The following ANO4 variants were observed in gnomAD, a reference collection of about 807,000 sequenced individuals.
The protein encoded by ANO4 is anoctamin 4.
A neutral mutation model predicts 141.9 loss-of-function variants in ANO4; 69 were observed. That is an observed-to-expected ratio of 0.49 (90% CI 0.40 to 0.59). ANO4 has a LOEUF of 0.59. Among genes scored for constraint, ANO4 ranks in the 20% least tolerant of loss-of-function variants. The probability of loss-of-function intolerance (pLI) is 0.00; values close to 1 mark genes in which losing one functional copy is unlikely to be tolerated. For missense variants in ANO4, 894 were observed against 1,162.2 expected (o/e 0.77, Z 3.36); for synonymous variants, 350 against 394.3 (o/e 0.89, Z 1.33).
At chr12:100,868,953 C>A (rs2038897697) in intron 1 of ANO4, among the ~76,000 whole-genome samples, 1 of 152,224 alleles carries the variant, frequency 6.6e-6, no homozygotes, top group African/African-American at 2.4e-5. Context: ...AAACAGACAG[C>A]AGGCCAGATG....
chr12:100,880,386 T>C lies in ANO4; in HGVS notation c.-140-21260T>C, dbSNP rs1490954215. ...TCTTCTTAATAACTTATAAGGTAGA[T>C]ATTGTCTTTATCCTCATTTGACAGA... On this transcript the variant is annotated intron_variant, in intron 1 of 27. Coordinates refer to ENST00000392977, the MANE Select transcript of ANO4 (RefSeq NM_001286615.2). 2.0e-5 allele frequency among the ~76,000 whole-genome samples: 3 copies of C among 152,186 alleles called. No homozygotes were observed. The East Asian group carries it at 5.8e-4, about 29-fold the overall frequency.
At chr12:101,068,790 A>G in intron 14 of ANO4, 1 of 1,230,524 alleles carries the variant, frequency 8.1e-7, no homozygotes, top group Non-Finnish European at 1.2e-6. Context: ...TGGCTTTAGA[A>G]GAGCCCACAG....
At chr12:100,781,301 C>G (rs2033703884) in intron 3 of ANO4, among the ~76,000 whole-genome samples, 1 of 152,172 alleles carries the variant, frequency 6.6e-6, no homozygotes, top group Non-Finnish European at 1.5e-5. Context: ...GACATTTACT[C>G]ACTGCAGTGG....
chr12:101,074,713 CTAT>C (rs1453684451), intron 14 of ANO4, among the ~76,000 whole-genome samples: 1 of 152,214 alleles, frequency 6.6e-6, no homozygotes, highest in East Asian at 1.9e-4. Flanking sequence ...AACGTTGATA[CTAT>C]TATTAAGTTA....
At chr12:100,906,058 G>T (rs1167231027) in intron 2 of ANO4, among the ~76,000 whole-genome samples, 1 of 152,134 alleles carries the variant, frequency 6.6e-6, no homozygotes, top group Non-Finnish European at 1.5e-5. Flanking sequence ...ACATTAAAAG[G>T]GATTTGAGAT....
chr12:101,002,761 A>G (rs2045706038), intron 8 of ANO4, among the ~76,000 whole-genome samples: 1 of 152,172 alleles, frequency 6.6e-6, no homozygotes, highest in Non-Finnish European at 1.5e-5. Context: ...TATCACAGTT[A>G]CTTGTTTTCA....
intron 1 of ANO4, among the ~76,000 whole-genome samples, chr12:100,874,748 G>A (rs1214698409): frequency 3.3e-5 from 5 of 152,032 alleles, no homozygotes; most frequent in African/African-American, 1.2e-4. Context: ...TCAAACTCCT[G>A]GCCTCAAGTC....
chr12:101,056,331 C>T (rs1203675262), intron 14 of ANO4, among the ~76,000 whole-genome samples: 5 of 148,620 alleles, frequency 3.4e-5, no homozygotes, highest in Non-Finnish European at 7.4e-5. Flanking sequence ...TAAATTTATG[C>T]CTATATATTG....
intron 15 of ANO4, among the ~76,000 whole-genome samples, chr12:101,080,928 G>A (rs1476272989): frequency 9.7e-6 from 1 of 102,606 alleles, no homozygotes; most frequent in Non-Finnish European, 2.1e-5. Context: ...TATATAAATA[G>A]ATTTTCTTCA....
intron 14 of ANO4, among the ~76,000 whole-genome samples, chr12:101,077,237 G>A (rs1178585704): frequency 6.6e-6 from 1 of 152,172 alleles, no homozygotes; most frequent in Non-Finnish European, 1.5e-5. Flanking sequence ...TCATTGGGGA[G>A]GAATTAAGTA....
chr12:100,740,458 C>G (rs1357149313), intron 3 of ANO4, among the ~76,000 whole-genome samples: 3 of 152,040 alleles, frequency 2.0e-5, no homozygotes, highest in Non-Finnish European at 4.4e-5. Flanking sequence ...AGTGCTAGTT[C>G]TGTTTGGTAA....
At chr12:101,054,902 G>C (rs473974) in intron 14 of ANO4, among the ~76,000 whole-genome samples, 1 of 151,840 alleles carries the variant, frequency 6.6e-6, no homozygotes, top group Non-Finnish European at 1.5e-5. Context: ...ATTTCATGCA[G>C]ATTAAATTAT....
rs972369772 is a variant in ANO4 at position 100,772,394 on chromosome 12, T to C, written c.358+32289T>C. Among the ~76,000 whole-genome samples the C allele has an allele frequency of 1.2e-4, 19 of 152,262 alleles. 1 individual carries two copies. The highest frequency in any genetic ancestry group is 4.6e-4 in the African/African-American group (19 of 41,546). On this transcript the variant is annotated intron_variant, in intron 3 of 29. Coordinates refer to the ANO4 transcript ENST00000644049. ...CTTTTCTTTAAATGCCTCTACTGCT[T>C]CTACTCCTCTGCCTGGCACATTACA...
chr12:100,996,837 T>G (rs1224625969), intron 8 of ANO4, among the ~76,000 whole-genome samples: 1 of 152,174 alleles, frequency 6.6e-6, no homozygotes, highest in Non-Finnish European at 1.5e-5. Flanking sequence ...AAGCCAGTAG[T>G]GATCAGCCAA....
At chr12:100,861,117 C>T (rs181712977) in intron 1 of ANO4, among the ~76,000 whole-genome samples, 10 of 152,236 alleles carry the variant, frequency 6.6e-5, no homozygotes, top group East Asian at 1.9e-4. Flanking sequence ...CTGATTGGTC[C>T]GTTTTAGAGA....
At chr12:101,096,444 G>A (rs935730399) in intron 18 of ANO4, 92 bp from the exon 19 acceptor site, 37 of 997,032 alleles carry the variant, frequency 3.7e-5, no homozygotes, top group African/African-American at 1.1e-4. Flanking sequence ...GGACTCCTGC[G>A]TCCCCACCCT....
chr12:100,766,829 G>T (rs1169691863), intron 3 of ANO4, among the ~76,000 whole-genome samples: 1 of 151,982 alleles, frequency 6.6e-6, no homozygotes, highest in Non-Finnish European at 1.5e-5. Flanking sequence ...TTCTACTAGT[G>T]TTGTGTTTCT....
At chr12:101,045,652 T>A (rs116733192) in intron 13 of ANO4, among the ~76,000 whole-genome samples, 3,405 of 152,250 alleles carry the variant, frequency 0.022, 120 homozygotes, top group African/African-American at 0.077. Context: ...ACCCAACTCC[T>A]ACTGGCTTAG....
At chr12:100,795,066 G>C (rs951043407) in intron 1 of ANO4, 39 bp downstream of exon 1, 1 of 152,696 alleles carries the variant, frequency 6.5e-6, no homozygotes, top group Non-Finnish European at 1.5e-5. Context: ...TGTTGCTGCA[G>C]TGAACTGAAC....
Sources: allele counts gnomAD v4.1 joint callset (sites outside exome capture counted in the v4.1 genomes callset), GRCh38; gene constraint gnomAD v4.1.1; transcripts MANE v1.5; gene names NCBI Gene and HGNC (gene_info 2026-07-23, HGNC 2026-07-21).